GKAP1: variants seen among roughly 807,000 people sequenced by gnomAD.
The protein encoded by GKAP1 is G kinase-anchoring protein 1.
A neutral mutation model predicts 56.7 loss-of-function variants in GKAP1; 31 were observed. That is an observed-to-expected ratio of 0.55 (90% CI 0.41 to 0.74). GKAP1 has a LOEUF of 0.74. Among genes scored for constraint, GKAP1 ranks in the 30% least tolerant of loss-of-function variants. The pLI is 0.00. For missense variants in GKAP1, 364 were observed against 402.3 expected (o/e 0.90, Z 0.82); for synonymous variants, 151 against 138.6 (o/e 1.09, Z -0.63).
At chr9:83,766,712 T>C (rs1474589173) in intron 8 of GKAP1, among the ~76,000 whole-genome samples, 1 of 152,242 alleles carries the variant, frequency 6.6e-6, no homozygotes, top group East Asian at 1.9e-4. Context: ...GAATTTGGAA[T>C]GGCTATTGTA....
intron 7 of GKAP1, among the ~76,000 whole-genome samples, chr9:83,770,704 G>C (rs950867715): frequency 3.3e-5 from 5 of 152,020 alleles, no homozygotes; most frequent in African/African-American, 1.2e-4. Context: ...TGGGATTAAA[G>C]GCATGTGCCA....
chr9:83,776,133 A>G (rs2131279009), intron 7 of GKAP1, among the ~76,000 whole-genome samples: 1 of 152,250 alleles, frequency 6.6e-6, no homozygotes, highest in East Asian at 1.9e-4. Context: ...CTATTCTTCC[A>G]TGATGTGGTT....
chr9:83,803,726 G>C (rs6559746), intron 3 of GKAP1, among the ~76,000 whole-genome samples: 4 of 147,008 alleles, frequency 2.7e-5, no homozygotes, highest in African/African-American at 7.7e-5. Flanking sequence ...CGTCTGGGAC[G>C]TGAGGAGCCC....
chr9:83,744,413 C>T lies in GKAP1; in HGVS notation c.905-1813G>A, dbSNP rs116423637. On this transcript the variant is annotated intron_variant, in intron 10 of 12. Coordinates refer to ENST00000376371, the MANE Select transcript of GKAP1 (RefSeq NM_025211.4). ...GTTCACTGTGTGTTAGGAAACACAC[C>T]CATCTGGTCTGACAACTTTCCATCC... 4.5e-3 allele frequency among the ~76,000 whole-genome samples: 686 copies of T among 152,212 alleles called. 3 individuals are homozygous for T. Among genetic ancestry groups the T allele is most frequent in the African/African-American group, 0.015 (643 of 41,532 alleles).
At chr9:83,754,591 A>G (rs1308347235) in intron 8 of GKAP1, among the ~76,000 whole-genome samples, 1 of 152,242 alleles carries the variant, frequency 6.6e-6, no homozygotes, top group Non-Finnish European at 1.5e-5. Context: ...CCAGGTAGAA[A>G]GAACAGTATG....
chr9:83,804,749 C>T (rs1223529067), intron 3 of GKAP1, among the ~76,000 whole-genome samples: 1 of 149,378 alleles, frequency 6.7e-6, no homozygotes, highest in Non-Finnish European at 1.5e-5. Context: ...GGGCCAGCCA[C>T]CCCGTCCGGG....
At chr9:83,806,735 G>A (rs1348842106) in intron 2 of GKAP1, among the ~76,000 whole-genome samples, 175 bp from the exon 3 acceptor site, 1 of 152,028 alleles carries the variant, frequency 6.6e-6, no homozygotes, top group East Asian at 1.9e-4. Context: ...TTAAGTAAAC[G>A]ATATAACATT....
chr9:83,746,463 G>T (rs1367679736), intron 10 of GKAP1, among the ~76,000 whole-genome samples: 1 of 152,126 alleles, frequency 6.6e-6, no homozygotes, highest in African/African-American at 2.4e-5. Flanking sequence ...AACACTTTGG[G>T]AGGCCGAGGC....
intron 7 of GKAP1, among the ~76,000 whole-genome samples, chr9:83,771,130 C>T (rs1182055750): frequency 3.3e-5 from 5 of 152,182 alleles, no homozygotes; most frequent in East Asian, 1.9e-4. Flanking sequence ...GGCCCAATCT[C>T]GGCTCACTAC....
intron 7 of GKAP1, among the ~76,000 whole-genome samples, chr9:83,770,058 G>A (rs1188796405): frequency 1.3e-5 from 2 of 151,878 alleles, no homozygotes; most frequent in Admixed American, 1.3e-4. Flanking sequence ...TGGGTTACTT[G>A]TTTTTTTGAG....
intron 8 of GKAP1, among the ~76,000 whole-genome samples, chr9:83,767,142 G>T (rs1564195946): frequency 6.6e-6 from 1 of 152,144 alleles, no homozygotes; most frequent in Non-Finnish European, 1.5e-5. Flanking sequence ...TCTGTATGAT[G>T]GAATTTAAGA....
intron 10 of GKAP1, among the ~76,000 whole-genome samples, chr9:83,747,512 T>C (rs1027518080): frequency 6.6e-6 from 1 of 152,178 alleles, no homozygotes; most frequent in African/African-American, 2.4e-5. Flanking sequence ...TCCCTCTAAA[T>C]ATAGTTCAGT....
intron 8 of GKAP1, among the ~76,000 whole-genome samples, chr9:83,757,200 G>T (rs2378661): frequency 1.3e-5 from 2 of 152,108 alleles, no homozygotes; most frequent in Admixed American, 1.3e-4. Flanking sequence ...GGAGGAGATG[G>T]CATGTGAAAT....
intron 2 of GKAP1, among the ~76,000 whole-genome samples, chr9:83,808,749 ACT>A (rs1944471248): frequency 6.6e-6 from 1 of 152,206 alleles, no homozygotes; most frequent in Non-Finnish European, 1.5e-5. Context: ...ACAAATATTC[ACT>A]GTCTCTCCCT....
At position 83,784,659 on chromosome 9, in the gene GKAP1, G is replaced by A. The variant is rs991683106; in HGVS notation, c.562+56C>T. 4.9e-6 allele frequency: 6 copies of A among 1,214,070 alleles called. No homozygotes were observed. The East Asian group carries it at 1.5e-4, about 31-fold the overall frequency. 75.2% of individuals were successfully genotyped at this position (1,214,070 alleles called of 1,614,324 possible). A position where few individuals can be genotyped will look rare whatever the true frequency, so the allele number is the denominator to read the frequency against. ...AATTAGAAAGACATTTACAACTGAA[G>A]TATAAAACAGATGTAGAATAGTTCT... On this transcript the variant is annotated intron_variant, in intron 6 of 12. Transcript: ENST00000376371.
At chr9:83,789,593 C>T (rs1944120910) in intron 4 of GKAP1, among the ~76,000 whole-genome samples, 1 of 152,132 alleles carries the variant, frequency 6.6e-6, no homozygotes, top group African/African-American at 2.4e-5. Context: ...AATAAGTGCA[C>T]TTCATTCCAA....
intron 8 of GKAP1, among the ~76,000 whole-genome samples, chr9:83,755,833 T>C (rs1429018428): frequency 6.9e-6 from 1 of 145,916 alleles, no homozygotes; most frequent in Non-Finnish European, 1.5e-5. Context: ...AGACGAAGTC[T>C]CGATCTTATC....
intron 7 of GKAP1, among the ~76,000 whole-genome samples, chr9:83,770,417 T>C (rs1001574463): frequency 6.6e-6 from 1 of 152,262 alleles, no homozygotes; most frequent in Admixed American, 6.5e-5. Context: ...TTTGCCCTTT[T>C]AACTGCGTTG....
chr9:83,748,394 T>C lies in GKAP1; in HGVS notation c.841-22A>G, dbSNP rs371496329. 4 of 1,373,348 alleles carry C rather than the reference T, an allele frequency of 2.9e-6. No individual in the cohort carries two copies. In the African/African-American group the frequency reaches 5.8e-5, roughly 20 times the overall value. 85.1% of individuals were successfully genotyped at this position (1,373,348 alleles called of 1,614,324 possible). On this transcript the variant is annotated intron_variant, in intron 9 of 12. Transcript: ENST00000376371. ...TTGCCTAATAGTCAAAGAAAAAAGA[T>C]TTAGTTTTTTTAAAAGTAAGTGATA... is the stretch of plus-strand genomic sequence containing the variant.
Sources: allele counts gnomAD v4.1 joint callset (sites outside exome capture counted in the v4.1 genomes callset), GRCh38; gene constraint gnomAD v4.1.1; transcripts MANE v1.5; gene names NCBI Gene and HGNC (gene_info 2026-07-23, HGNC 2026-07-21).